The following GALNT16 variants were observed in gnomAD, a reference collection of about 807,000 sequenced individuals.
GALNT16 encodes the protein UDP-GalNAc:polypeptide N-acetylgalactosaminyltransferase-like protein 1.
A neutral mutation model predicts 76.1 loss-of-function variants in GALNT16; 40 were observed. That is an observed-to-expected ratio of 0.53 (90% CI 0.41 to 0.68). The LOEUF (loss-of-function observed/expected upper bound fraction) is 0.68, where lower values mean the gene tolerates loss of function less well. GALNT16 is among the 30% of genes least tolerant of loss of function. The pLI is 0.00. For synonymous variants in GALNT16, 276 were observed against 285.2 expected (o/e 0.97, Z 0.32); for missense variants, 621 against 731.9 (o/e 0.85, Z 1.75).
chr14:69,330,238 C>T (rs1594856267), intron 6 of GALNT16, among the ~76,000 whole-genome samples: 1 of 151,994 alleles, frequency 6.6e-6, no homozygotes, highest in Non-Finnish European at 1.5e-5. Context: ...CAGAATTATC[C>T]AGACATTAAA....
intron 1 of GALNT16, among the ~76,000 whole-genome samples, chr14:69,311,840 C>T (rs2045024762): frequency 6.6e-6 from 1 of 152,156 alleles, no homozygotes; most frequent in Non-Finnish European, 1.5e-5. Flanking sequence ...AAGGCTGTCA[C>T]CATCTTTGCA....
intron 1 of GALNT16, among the ~76,000 whole-genome samples, chr14:69,297,707 A>G (rs1566869791): frequency 6.6e-6 from 1 of 151,876 alleles, no homozygotes; most frequent in Non-Finnish European, 1.5e-5. Flanking sequence ...TTTTAAAAAC[A>G]AAAATAATAC....
intron 1 of GALNT16, among the ~76,000 whole-genome samples, chr14:69,281,950 A>G (rs1335491393): frequency 2.0e-5 from 3 of 152,214 alleles, no homozygotes; most frequent in Non-Finnish European, 4.4e-5. Flanking sequence ...TCCTGTTGGT[A>G]AGTATTTGCA....
At chr14:69,377,241 A>G in the GALNT16 span, among the ~76,000 whole-genome samples, 6 of 152,210 alleles carry the variant, frequency 3.9e-5, no homozygotes, top group African/African-American at 1.4e-4. Context: ...ACAGCTATTC[A>G]TATTATGGGG....
At chr14:69,260,548 G>A in intron 1 of GALNT16, 81 bp downstream of exon 1, 1 of 1,059,022 alleles carries the variant, frequency 9.4e-7, no homozygotes, top group Non-Finnish European at 1.2e-6. Flanking sequence ...CGAGGGCGCG[G>A]GGCCCGGCCA....
At chr14:69,289,852 A>C (rs565265522) in intron 1 of GALNT16, among the ~76,000 whole-genome samples, 6 of 152,084 alleles carry the variant, frequency 3.9e-5, no homozygotes, top group African/African-American at 1.4e-4. Flanking sequence ...TCATGCCTCA[A>C]CTTCCCGAAT....
intron 5 of GALNT16, 43 bp downstream of exon 5, chr14:69,326,070 T>C (rs777002514): frequency 6.9e-7 from 1 of 1,439,412 alleles, no homozygotes; most frequent in Admixed American, 1.7e-5. Context: ...CCCATCTTGG[T>C]GTCATCCTGT....
In GALNT16 at chr14:69,302,832, T is replaced by C. The variant is rs560715024; in HGVS notation, c.178-17879T>C. ...GATAAACAAATACTATAAAAAAGAA[T>C]ACATTTTTAGAATAACTGTGTCTTA... On this transcript the variant is annotated intron_variant, in intron 1 of 14. Transcript: ENST00000448469. 7.9e-5 allele frequency among the ~76,000 whole-genome samples: 12 copies of C among 152,322 alleles called. No individual in the cohort carries two copies. The South Asian group carries it at 2.3e-3, about 29-fold the overall frequency.
chr14:69,269,569 AGT>A (rs764201692), intron 1 of GALNT16, among the ~76,000 whole-genome samples: 13 of 132,922 alleles, frequency 9.8e-5, no homozygotes, highest in Non-Finnish European at 1.9e-4. Context: ...GTGTGTATAT[AGT>A]GTGTGTGTGT....
At chr14:69,260,134 T>TCAG, upstream of GALNT16, 3 of 156,614 alleles carry the variant, frequency 1.9e-5, no homozygotes, top group South Asian at 2.8e-4. Flanking sequence ...TCTCTCCCTA[T>TCAG]CACCCCCCCG....
chr14:69,283,833 TG>T (rs1425886789), intron 1 of GALNT16, among the ~76,000 whole-genome samples: 1 of 152,224 alleles, frequency 6.6e-6, no homozygotes, highest in African/African-American at 2.4e-5. Flanking sequence ...CCCTGTGTCA[TG>T]TATTCATTCA....
intron 2 of GALNT16, among the ~76,000 whole-genome samples, chr14:69,323,842 A>C (rs1423601777): frequency 1.3e-5 from 2 of 152,224 alleles, no homozygotes; most frequent in African/African-American, 4.8e-5. Flanking sequence ...GCCACAATGA[A>C]AAAACGGGCA....
chr14:69,299,301 T>G (rs1242977957), intron 1 of GALNT16, among the ~76,000 whole-genome samples: 3 of 152,236 alleles, frequency 2.0e-5, no homozygotes, highest in Non-Finnish European at 4.4e-5. Flanking sequence ...AAGGCTGTTC[T>G]CACTTCATTT....
intron 1 of GALNT16, among the ~76,000 whole-genome samples, chr14:69,319,094 A>G (rs1052890191): frequency 1.3e-5 from 2 of 152,250 alleles, no homozygotes; most frequent in African/African-American, 4.8e-5. Context: ...TGTTACCATC[A>G]TGAGCATCTG....
chr14:69,309,222 A>G (rs1032994886), intron 1 of GALNT16, among the ~76,000 whole-genome samples: 1 of 152,124 alleles, frequency 6.6e-6, no homozygotes. Context: ...ATATGGGGAA[A>G]GGGGCACAAA....
downstream of GALNT16, among the ~76,000 whole-genome samples, chr14:69,359,923 G>T (rs1397156344): frequency 6.6e-6 from 1 of 152,164 alleles, no homozygotes; most frequent in Non-Finnish European, 1.5e-5. Context: ...TACTCGGGAG[G>T]CTGAGGCAGG....
chr14:69,260,134 T>TCAC, upstream of GALNT16: 11 of 156,616 alleles, frequency 7.0e-5, 1 homozygote, highest in South Asian at 8.3e-4. Flanking sequence ...TCTCTCCCTA[T>TCAC]CACCCCCCCG....
At chr14:69,280,795 A>G (rs1311120450) in intron 1 of GALNT16, among the ~76,000 whole-genome samples, 1 of 151,970 alleles carries the variant, frequency 6.6e-6, no homozygotes, top group Non-Finnish European at 1.5e-5. Context: ...TCGAATCCAG[A>G]GGGCAACTCC....
At chr14:69,283,782 T>C (rs1357339918) in intron 1 of GALNT16, among the ~76,000 whole-genome samples, 1 of 152,198 alleles carries the variant, frequency 6.6e-6, no homozygotes, top group Non-Finnish European at 1.5e-5. Flanking sequence ...AAGTGCTGCA[T>C]TCCTTTTGTT....
Sources: allele counts gnomAD v4.1 joint callset (sites outside exome capture counted in the v4.1 genomes callset), GRCh38; gene constraint gnomAD v4.1.1; transcripts MANE v1.5; gene names NCBI Gene and HGNC (gene_info 2026-07-23, HGNC 2026-07-21).